Variants in TMEM234 observed in about 807,000 individuals in gnomAD.
TMEM234 encodes the protein transmembrane protein 234.
In TMEM234, 21 loss-of-function variants were observed where a neutral mutation model predicts 17.8. The ratio of observed to expected loss-of-function variants is 1.18; its 90% confidence interval spans 0.84 to 1.70. The LOEUF (loss-of-function observed/expected upper bound fraction) is 1.70, where lower values mean the gene tolerates loss of function less well. Among genes scored for constraint, TMEM234 ranks in the 40% most tolerant of loss-of-function variants. TMEM234 has a pLI of 0.00. For synonymous variants in TMEM234, 83 were observed against 73.5 expected (o/e 1.13, Z -0.66); for missense variants, 137 against 166.9 (o/e 0.82, Z 0.99).
At chr1:32,221,064 GC>G (rs892587170) in intron 3 of TMEM234, 66 bp downstream of exon 3, 94 of 1,327,534 alleles carry the variant, frequency 7.1e-5, no homozygotes, top group Middle Eastern at 3.7e-4. Context: ...GCTCCACCCC[GC>G]CCCCCCCAAT....
rs752217100 is a variant in TMEM234 at position 32,221,852 on chromosome 1, T to C, written c.168+15A>G. 6.2e-7 allele frequency: 1 copy of C among 1,611,398 alleles called. No individual in the cohort carries two copies. The highest frequency in any genetic ancestry group is 8.5e-7 in the Non-Finnish European group (1 of 1,179,590). ...GGCAACTCCACCGAGAGAGGGGCCT[T>C]TCACAGAGACGCACCTCAGTATTCA... On this transcript the variant is annotated intron_variant, in intron 2 of 4. Transcript: ENST00000309777.
At chr1:32,221,296 G>A in intron 2 of TMEM234, 99 bp from the exon 3 acceptor site, 1 of 910,066 alleles carries the variant, frequency 1.1e-6, no homozygotes. Flanking sequence ...AGGGAGGCAG[G>A]GTTATAAGGA....
chr1:32,217,235 C>A, intron 4 of TMEM234, 24 bp downstream of exon 4: 1 of 1,614,192 alleles, frequency 6.2e-7, no homozygotes. Context: ...AGCTGCGTCC[C>A]GCACTCGCAG....
At chr1:32,217,207 G>GT (rs1557540668) in intron 4 of TMEM234, 52 bp downstream of exon 4, 1 of 1,614,158 alleles carries the variant, frequency 6.2e-7, no homozygotes, top group Admixed American at 1.7e-5. Flanking sequence ...ACTAACACAG[G>GT]TATGTCGAGA....
intron 3 of TMEM234, among the ~76,000 whole-genome samples, chr1:32,220,848 T>C (rs987376304): frequency 2.6e-5 from 4 of 152,196 alleles, no homozygotes; most frequent in Non-Finnish European, 5.9e-5. Flanking sequence ...GAAGCAAGAA[T>C]GTGAAAGCCA....
At chr1:32,221,318 C>A (rs1041112711) in intron 2 of TMEM234, 121 bp from the exon 3 acceptor site, 34 of 747,702 alleles carry the variant, frequency 4.5e-5, no homozygotes, top group Non-Finnish European at 7.6e-5. Context: ...CCAGAGAACA[C>A]TAATCCCTCT....
In TMEM234 at chr1:32,216,257, G is replaced by A. The variant is rs1036793916; in HGVS notation, c.*596C>T. On this transcript the variant is annotated 3_prime_UTR_variant, in exon 5 of 5. Transcript: ENST00000309777. ...CTCGCCAGGTGTGCTGGAGTCAGGT[G>A]GGGCTGGGGCTCACAGCTCTCTACC... The A allele has an allele frequency of 8.0e-5, 114 of 1,418,616 alleles. No individual in the cohort carries two copies. Among genetic ancestry groups the A allele is most frequent in the Non-Finnish European group, 1.0e-4 (107 of 1,068,160 alleles). 87.9% of individuals were successfully genotyped at this position (1,418,616 alleles called of 1,614,324 possible).
chr1:32,217,527 G>A, intron 3 of TMEM234, 176 bp from the exon 4 acceptor site: 1 of 1,420,934 alleles, frequency 7.0e-7, no homozygotes, highest in Non-Finnish European at 9.6e-7. Context: ...CACGTTCAGT[G>A]CTTCCCAGGA....
At chr1:32,216,019 C>A, downstream of TMEM234, 1 of 832,334 alleles carries the variant, frequency 1.2e-6, no homozygotes, top group Non-Finnish European at 1.9e-6. Flanking sequence ...ACACTGCGGC[C>A]TCCTCAGCCC....
At chr1:32,222,060 C>G (rs1285894393) in intron 1 of TMEM234, 42 bp from the exon 2 acceptor site, 1 of 1,554,020 alleles carries the variant, frequency 6.4e-7, no homozygotes, top group East Asian at 2.3e-5. Context: ...CCACCCCAAA[C>G]GGCCGCCCAC....
chr1:32,214,893 C>T (rs199547562), downstream of TMEM234: 1,355 of 1,613,980 alleles, frequency 8.4e-4, 4 homozygotes, highest in Middle Eastern at 8.2e-4. Flanking sequence ...GCAGACCATT[C>T]AGCCAAGAAG....
At chr1:32,214,751 A>G (rs759020301), downstream of TMEM234, 5 of 1,610,398 alleles carry the variant, frequency 3.1e-6, no homozygotes, top group Non-Finnish European at 3.4e-6. Flanking sequence ...TAGGAAAGGT[A>G]AGAATGGCCA....
At chr1:32,218,902 C>G (rs1638649320) in intron 3 of TMEM234, among the ~76,000 whole-genome samples, 2 of 152,114 alleles carry the variant, frequency 1.3e-5, no homozygotes, top group South Asian at 4.1e-4. Context: ...TGCACCACTG[C>G]ACTCCAGCCT....
At chr1:32,218,422 G>A (rs1011200701) in intron 3 of TMEM234, among the ~76,000 whole-genome samples, 1 of 151,576 alleles carries the variant, frequency 6.6e-6, no homozygotes, top group African/African-American at 2.4e-5. Flanking sequence ...GTGAAACTCT[G>A]TCTCAAAAAA....
Position 32,216,266 on chromosome 1 carries a change from G to T in TMEM234, c.*587C>A. 2 of 1,451,414 alleles carry T rather than the reference G, an allele frequency of 1.4e-6. No homozygotes were observed. Among genetic ancestry groups the T allele is most frequent in the African/African-American group, 1.4e-5 (1 of 71,220 alleles). The allele number at this position is 1,451,414 out of a possible 1,614,324, so 89.9% of individuals were successfully genotyped here. A position where few individuals can be genotyped will look rare whatever the true frequency, so the allele number is the denominator to read the frequency against. On this transcript the variant is annotated 3_prime_UTR_variant, in exon 5 of 5. Transcript: ENST00000309777. Reference sequence around the variant, plus strand: ...TGTGCTGGAGTCAGGTGGGGCTGGGGCTCACAGCTCTCTACCTGTTTAAGA... The same window carrying T: ...TGTGCTGGAGTCAGGTGGGGCTGGGTCTCACAGCTCTCTACCTGTTTAAGA...
chr1:32,215,686 G>A (rs965030156), downstream of TMEM234: 1 of 1,111,306 alleles, frequency 9.0e-7, no homozygotes, highest in Non-Finnish European at 1.3e-6. Flanking sequence ...GTTAAATGAG[G>A]AAGCAGTTCC....
rs1437541243 is a variant in TMEM234 at position 32,216,492 on chromosome 1, A to T, written c.*361T>A. 6.4e-7 allele frequency: 1 copy of T among 1,551,656 alleles called. No homozygotes were observed. The highest frequency in any genetic ancestry group is 2.4e-5 in the East Asian group (1 of 40,914). ...AGTCTGCAGCTGGCCCTTTCCATGC[A>T]GCTGGAGTTCTGCAGTCCATGGAAC... On this transcript the variant is annotated 3_prime_UTR_variant, in exon 5 of 5. Coordinates refer to ENST00000309777, the MANE Select transcript of TMEM234 (RefSeq NM_019118.5).
At chr1:32,222,264 C>A (rs1430914010) in intron 1 of TMEM234, 43 bp downstream of exon 1, 5 of 1,530,000 alleles carry the variant, frequency 3.3e-6, no homozygotes, top group East Asian at 4.5e-5. Context: ...GAATTCGAGG[C>A]GAGGGTCGGG....
Position 32,216,271 on chromosome 1 carries a change from CAGCTCTCT to C in TMEM234, c.*574_*581del, listed in dbSNP as rs1638372839. On this transcript the variant is annotated 3_prime_UTR_variant, in exon 5 of 5. Transcript: ENST00000309777. ...TGGAGTCAGGTGGGGCTGGGGCTCA[CAGCTCTCT>C]ACCTGTTTAAGAGGGGCTGGCAGTG... The C allele has an allele frequency of 2.0e-6, 3 of 1,466,240 alleles. No individual in the cohort carries two copies. Among genetic ancestry groups the C allele is most frequent in the Non-Finnish European group, 2.7e-6 (3 of 1,104,616 alleles). 90.8% of individuals were successfully genotyped at this position (1,466,240 alleles called of 1,614,324 possible). A position where few individuals can be genotyped will look rare whatever the true frequency, so the allele number is the denominator to read the frequency against.
Sources: gnomAD v4.1 joint callset for allele counts (sites outside exome capture counted in the v4.1 genomes callset) on GRCh38, gnomAD v4.1.1 for gene constraint, MANE v1.5 for transcripts, NCBI Gene and HGNC (gene_info 2026-07-23, HGNC 2026-07-21) for gene names.